Variants in CMTM7 observed in about 807,000 individuals in gnomAD.
CMTM7 encodes the protein CKLF like MARVEL transmembrane domain containing 7.
A neutral mutation model predicts 19.3 loss-of-function variants in CMTM7; 7 were observed. The ratio of observed to expected loss-of-function variants is 0.36; its 90% CI spans 0.21 to 0.68. CMTM7 has a LOEUF of 0.68. CMTM7 is among the 30% of genes least tolerant of loss of function. CMTM7 has a pLI of 0.60. For missense variants in CMTM7, 193 were observed against 232.6 expected, an observed-to-expected ratio of 0.83 and a Z score of 1.11; for synonymous variants, 87 against 99.3, an observed-to-expected ratio of 0.88 and a Z score of 0.74.
intron 4 of CMTM7, among the ~76,000 whole-genome samples, chr3:32,453,602 C>T (rs984910573): frequency 6.6e-6 from 1 of 152,062 alleles, no homozygotes; most frequent in African/African-American, 2.4e-5. Context: ...GTGTAGGATT[C>T]CACTAATAAG....
Position 32,400,399 on chromosome 3 carries a change from C to CTTT in CMTM7, c.159+8348_159+8350dup, listed in dbSNP as rs11425160. On this transcript the variant is annotated intron_variant, in intron 1 of 4. Coordinates refer to ENST00000334983, the MANE Select transcript of CMTM7 (RefSeq NM_138410.4). ...GCTTTTCTTTTTTTTTCTTCTTCTTCTTTTTTTTTTTTTTTTGAGGTGGAG... is the reference window on the plus strand; with the variant it reads ...GCTTTTCTTTTTTTTTCTTCTTCTTCTTTTTTTTTTTTTTTTTTTGAGGTGGAG... Among the ~76,000 whole-genome samples, 370 of 116,554 alleles carry CTTT rather than the reference C, an allele frequency of 3.2e-3. 19 individuals carry two copies. Among genetic ancestry groups the CTTT allele is most frequent in the African/African-American group, 9.7e-3 (280 of 28,726 alleles). The allele number at this position is 116,554 out of a possible 152,430, so 76.5% of individuals were successfully genotyped here. A position where few individuals can be genotyped will look rare whatever the true frequency, so the allele number is the denominator to read the frequency against.
chr3:32,443,688 T>C (rs991977033), intron 2 of CMTM7, among the ~76,000 whole-genome samples: 1 of 151,978 alleles, frequency 6.6e-6, no homozygotes, highest in Non-Finnish European at 1.5e-5. Context: ...CCACCAGGAG[T>C]GTATGAAGGT....
intron 2 of CMTM7, 78 bp downstream of exon 2, chr3:32,442,091 T>C: frequency 7.4e-7 from 1 of 1,360,188 alleles, no homozygotes; most frequent in Non-Finnish European, 1.0e-6. Flanking sequence ...TGACAGAGTT[T>C]TTCCCGTCTG....
chr3:32,416,069 T>C (rs1696257070), intron 1 of CMTM7, among the ~76,000 whole-genome samples: 1 of 152,248 alleles, frequency 6.6e-6, no homozygotes, highest in African/African-American at 2.4e-5. Flanking sequence ...GCCCACTACA[T>C]GGGTAGGTAA....
chr3:32,421,434 A>G (rs1219737439), intron 1 of CMTM7, among the ~76,000 whole-genome samples: 2 of 151,888 alleles, frequency 1.3e-5, no homozygotes, highest in Non-Finnish European at 2.9e-5. Context: ...TCCCACCCCT[A>G]TGCCTTCTGT....
chr3:32,411,147 C>T (rs1437250222), intron 1 of CMTM7, among the ~76,000 whole-genome samples: 4 of 152,176 alleles, frequency 2.6e-5, no homozygotes, highest in Non-Finnish European at 5.9e-5. Flanking sequence ...GCTTCCCTGT[C>T]GCTGAAAATC....
intron 1 of CMTM7, among the ~76,000 whole-genome samples, chr3:32,416,330 G>C (rs548882452): frequency 2.1e-4 from 31 of 148,436 alleles, no homozygotes; most frequent in African/African-American, 7.6e-4. Context: ...TGAGTAGCTG[G>C]GATTACAGAC....
chr3:32,435,033 T>G (rs1696575743), intron 1 of CMTM7, among the ~76,000 whole-genome samples: 1 of 152,220 alleles, frequency 6.6e-6, no homozygotes, highest in Non-Finnish European at 1.5e-5. Flanking sequence ...TGGATAACAT[T>G]TTGGTAATAA....
chr3:32,397,329 T>C (rs1042306461), intron 1 of CMTM7, among the ~76,000 whole-genome samples: 1 of 150,770 alleles, frequency 6.6e-6, no homozygotes, highest in African/African-American at 2.4e-5. Flanking sequence ...CAAGAACTTA[T>C]GAGTGTACCA....
intron 1 of CMTM7, among the ~76,000 whole-genome samples, chr3:32,441,456 A>G (rs760335743): frequency 9.9e-5 from 15 of 152,210 alleles, no homozygotes; most frequent in Admixed American, 2.0e-4. Flanking sequence ...TGGGCCTAAT[A>G]TGTAAACCCC....
At chr3:32,430,162 T>G (rs1696494393) in intron 1 of CMTM7, among the ~76,000 whole-genome samples, 1 of 151,580 alleles carries the variant, frequency 6.6e-6, no homozygotes, top group South Asian at 2.1e-4. Context: ...TGTGCAGCCA[T>G]CACTGTAATC....
intron 1 of CMTM7, among the ~76,000 whole-genome samples, chr3:32,424,474 C>T (rs1320968133): frequency 2.0e-5 from 3 of 152,096 alleles, no homozygotes; most frequent in South Asian, 2.1e-4. Flanking sequence ...CTAGAAGTAT[C>T]GCTGTGGCCA....
At chr3:32,397,925 A>G (rs1446589966) in intron 1 of CMTM7, among the ~76,000 whole-genome samples, 2 of 152,192 alleles carry the variant, frequency 1.3e-5, no homozygotes, top group Non-Finnish European at 2.9e-5. Flanking sequence ...CTGCTCAGGA[A>G]GGTAAACGTT....
At chr3:32,400,219 C>T (rs1429709799) in intron 1 of CMTM7, among the ~76,000 whole-genome samples, 1 of 151,870 alleles carries the variant, frequency 6.6e-6, no homozygotes, top group Non-Finnish European at 1.5e-5. Context: ...GGGGTTTCTC[C>T]ATGTTGGCCA....
chr3:32,451,876 A>G, intron 3 of CMTM7: 1 of 372,750 alleles, frequency 2.7e-6, no homozygotes, highest in Non-Finnish European at 5.2e-6. Context: ...AATATTGTTT[A>G]ATATGTACAA....
At chr3:32,428,083 G>A (rs1304657504) in intron 1 of CMTM7, among the ~76,000 whole-genome samples, 1 of 152,188 alleles carries the variant, frequency 6.6e-6, no homozygotes, top group Admixed American at 6.5e-5. Context: ...TCCTTCCTGT[G>A]GAGAGTGTGC....
chr3:32,452,797 G>C (rs1278413696), intron 4 of CMTM7, among the ~76,000 whole-genome samples: 3 of 149,018 alleles, frequency 2.0e-5, no homozygotes, highest in Non-Finnish European at 4.4e-5. Flanking sequence ...CTGTTGTCCA[G>C]GCTGGTGCAG....
chr3:32,433,157 A>C (rs1156660335), intron 1 of CMTM7, among the ~76,000 whole-genome samples: 1 of 152,230 alleles, frequency 6.6e-6, no homozygotes, highest in Non-Finnish European at 1.5e-5. Flanking sequence ...TCAGTTCAAC[A>C]CAAGCACCAA....
At position 32,404,152 on chromosome 3, in the gene CMTM7, CTTTTTTTTTCTTT is replaced by C. The variant is rs1559401381; in HGVS notation, c.159+12097_159+12109del. Among the ~76,000 whole-genome samples, 52 of 132,000 alleles carry C rather than the reference CTTTTTTTTTCTTT, an allele frequency of 3.9e-4. 4 individuals are homozygous for C. The highest frequency in any genetic ancestry group is 6.8e-4 in the South Asian group (3 of 4,430). The allele number at this position is 132,000 out of a possible 152,430, so 86.6% of individuals were successfully genotyped here. ...ATCTTTTCTTTCTTTCTTTTTTTTT[CTTTTTTTTTCTTT>C]TTTTTTTTTTTTGGAGACAGAGTCT... On this transcript the variant is annotated intron_variant, in intron 1 of 4. Transcript: ENST00000334983.
Sources: gnomAD v4.1 joint callset for allele counts (sites outside exome capture counted in the v4.1 genomes callset) on GRCh38, gnomAD v4.1.1 for gene constraint, MANE v1.5 for transcripts, NCBI Gene and HGNC (gene_info 2026-07-23, HGNC 2026-07-21) for gene names.